The following OSBP2 variants were observed in gnomAD, a reference collection of about 807,000 sequenced individuals.
OSBP2 encodes oxysterol-binding protein 2.
A neutral mutation model predicts 96.0 loss-of-function variants in OSBP2; 66 were observed. The observed-to-expected ratio is 0.69, with a 90% confidence interval of 0.56 to 0.84. OSBP2 has a LOEUF of 0.84. OSBP2 is among the 40% of genes least tolerant of loss of function. The pLI is 0.00. For synonymous variants in OSBP2, 525 were observed against 520.9 expected, an observed-to-expected ratio of 1.01 and a Z score of -0.11; for missense variants, 1,038 against 1,222.7, an observed-to-expected ratio of 0.85 and a Z score of 2.25.
chr22:30,828,710 G>C (rs900595362), intron 2 of OSBP2, among the ~76,000 whole-genome samples: 19 of 152,210 alleles, frequency 1.2e-4, no homozygotes, highest in Admixed American at 7.2e-4. Flanking sequence ...CAGCACACCT[G>C]TGTGCATGTG....
intron 2 of OSBP2, among the ~76,000 whole-genome samples, chr22:30,790,405 C>T (rs1363972935): frequency 6.6e-6 from 1 of 151,942 alleles, no homozygotes; most frequent in Non-Finnish European, 1.5e-5. Context: ...ACACATGATC[C>T]GTGATGGATT....
At chr22:30,842,012 C>G (rs2038762487) in intron 2 of OSBP2, among the ~76,000 whole-genome samples, 1 of 151,834 alleles carries the variant, frequency 6.6e-6, no homozygotes, top group Non-Finnish European at 1.5e-5. Context: ...GTGGAGAGGT[C>G]ACAGCTCACT....
intron 2 of OSBP2, among the ~76,000 whole-genome samples, chr22:30,849,059 A>C (rs1366774674): frequency 5.9e-5 from 9 of 152,000 alleles, no homozygotes; most frequent in Admixed American, 5.9e-4. Context: ...CTGAGGCCAA[A>C]ACTTTGAGAC....
chr22:30,759,619 C>T (rs1054376022), intron 2 of OSBP2, among the ~76,000 whole-genome samples: 2 of 152,112 alleles, frequency 1.3e-5, no homozygotes, highest in South Asian at 2.1e-4. Flanking sequence ...ATGAAATGAA[C>T]CAATTCTTCA....
intron 1 of OSBP2, among the ~76,000 whole-genome samples, chr22:30,706,970 C>T (rs575572754): frequency 5.2e-4 from 79 of 152,262 alleles, no homozygotes; most frequent in African/African-American, 1.6e-3. Context: ...GCTGGGTATT[C>T]GTCCTTCTCT....
chr22:30,774,067 C>T (rs929000348), intron 2 of OSBP2, among the ~76,000 whole-genome samples: 4 of 152,078 alleles, frequency 2.6e-5, no homozygotes, highest in Admixed American at 2.6e-4. Flanking sequence ...GGACCAGTGT[C>T]ATGGGTGGTC....
At chr22:30,746,504 T>TTG (rs2090002187) in intron 2 of OSBP2, among the ~76,000 whole-genome samples, 1 of 150,140 alleles carries the variant, frequency 6.7e-6, no homozygotes, top group Non-Finnish European at 1.5e-5. Context: ...TTTTTTTTTT[T>TTG]TTGAGATGGA....
At chr22:30,813,574 T>C (rs2091040627) in intron 2 of OSBP2, among the ~76,000 whole-genome samples, 1 of 152,124 alleles carries the variant, frequency 6.6e-6, no homozygotes. Context: ...TATATAGCCA[T>C]GCTGTCTGTC....
At chr22:30,725,887 C>T (rs778768246) in intron 1 of OSBP2, among the ~76,000 whole-genome samples, 21 of 150,870 alleles carry the variant, frequency 1.4e-4, no homozygotes, top group Non-Finnish European at 2.5e-4. Flanking sequence ...TCAAGTGATT[C>T]TCATGCCTCA....
intron 2 of OSBP2, among the ~76,000 whole-genome samples, chr22:30,864,261 A>G (rs1300680901): frequency 6.6e-6 from 1 of 152,180 alleles, no homozygotes; most frequent in Non-Finnish European, 1.5e-5. Context: ...ACATTCTTTT[A>G]AATATTTGGA....
In OSBP2 at chr22:30,884,476, T is replaced by C. The variant is rs571427323; in HGVS notation, c.1108-2950T>C. ...CCCTGGCCACCACACTCTGCTGGCT[T>C]CCTTGGGCAGGCCATGTTGCATCTC... On this transcript the variant is annotated intron_variant, in intron 3 of 13. Transcript: ENST00000332585. 7.9e-5 allele frequency among the ~76,000 whole-genome samples: 12 copies of C among 152,312 alleles called. No individual in the cohort carries two copies. The South Asian group carries it at 2.5e-3, about 32-fold the overall frequency.
chr22:30,852,318 T>C (rs1171858060), intron 2 of OSBP2, among the ~76,000 whole-genome samples: 3 of 152,180 alleles, frequency 2.0e-5, no homozygotes, highest in Non-Finnish European at 4.4e-5. Context: ...GATTTTTAAA[T>C]TGAGTTTCTT....
intron 2 of OSBP2, among the ~76,000 whole-genome samples, chr22:30,855,363 G>A (rs776426042): frequency 5.9e-5 from 9 of 152,092 alleles, no homozygotes; most frequent in Non-Finnish European, 1.2e-4. Context: ...GATGACTGTG[G>A]GCCGGCACCT....
At chr22:30,888,058 G>A (rs1278301689) in intron 4 of OSBP2, among the ~76,000 whole-genome samples, 165 bp from the exon 5 acceptor site, 15 of 152,310 alleles carry the variant, frequency 9.8e-5, no homozygotes, top group Middle Eastern at 3.4e-3. Flanking sequence ...TCTAGCAGAG[G>A]GAGCAAGGGT....
intron 1 of OSBP2, among the ~76,000 whole-genome samples, chr22:30,717,798 TCTC>T (rs1183445539): frequency 6.6e-6 from 1 of 152,138 alleles, no homozygotes; most frequent in East Asian, 1.9e-4. Flanking sequence ...AGCATCATCA[TCTC>T]CTGCTGATCC....
In OSBP2 at chr22:30,902,206, C is replaced by G. The variant is rs919355533; in HGVS notation, c.2376-3631C>G. ...CATGGTTCCCGTAGCCAGAAGGAGTCGCTCACAGAGCCCCACACACAGCAT... is the reference window on the plus strand; with the variant it reads ...CATGGTTCCCGTAGCCAGAAGGAGTGGCTCACAGAGCCCCACACACAGCAT... On this transcript the variant is annotated intron_variant, in intron 12 of 13. Transcript: ENST00000332585. The G allele has an allele frequency of 5.7e-6, 7 of 1,237,770 alleles. No individual in the cohort carries two copies. The Admixed American group carries it at 1.2e-4, about 21-fold the overall frequency. 76.7% of individuals were successfully genotyped at this position (1,237,770 alleles called of 1,614,324 possible). A position where few individuals can be genotyped will look rare whatever the true frequency, so the allele number is the denominator to read the frequency against.
intron 3 of OSBP2, among the ~76,000 whole-genome samples, chr22:30,878,816 A>G (rs73156709): frequency 2.1e-3 from 316 of 152,268 alleles, no homozygotes; most frequent in Non-Finnish European, 3.4e-3. Flanking sequence ...GACATGGGAA[A>G]ACCTGGGGAG....
At chr22:30,827,598 G>A (rs2038430444) in intron 2 of OSBP2, among the ~76,000 whole-genome samples, 1 of 152,204 alleles carries the variant, frequency 6.6e-6, no homozygotes, top group Non-Finnish European at 1.5e-5. Flanking sequence ...ACCTGTTGGG[G>A]AAGTGACGTT....
At chr22:30,842,326 A>T (rs2038769883) in intron 2 of OSBP2, among the ~76,000 whole-genome samples, 1 of 151,936 alleles carries the variant, frequency 6.6e-6, no homozygotes, top group Non-Finnish European at 1.5e-5. Flanking sequence ...ACCCTCTATT[A>T]CTAACAACTT....
Sources: allele counts gnomAD v4.1 joint callset (sites outside exome capture counted in the v4.1 genomes callset), GRCh38; gene constraint gnomAD v4.1.1; transcripts MANE v1.5; gene names NCBI Gene and HGNC (gene_info 2026-07-23, HGNC 2026-07-21).